TRABD2B: variants seen among roughly 807,000 people sequenced by gnomAD.
TRABD2B encodes metalloprotease TIKI2.
A neutral mutation model predicts 40.1 loss-of-function variants in TRABD2B; 14 were observed. The ratio of observed to expected loss-of-function variants is 0.35; its 90% CI spans 0.23 to 0.55. The LOEUF is 0.55. TRABD2B is among the 20% of genes least tolerant of loss of function. The pLI is 0.90. For missense variants in TRABD2B, 541 were observed against 648.6 expected (o/e 0.83, Z 1.80); for synonymous variants, 263 against 277.0 (o/e 0.95, Z 0.50).
intron 2 of TRABD2B, among the ~76,000 whole-genome samples, chr1:47,817,152 T>G (rs1320975907): frequency 6.6e-6 from 1 of 151,982 alleles, no homozygotes; most frequent in East Asian, 1.9e-4. Flanking sequence ...GTTAGAGAGA[T>G]ATCCTTGAGC....
intron 2 of TRABD2B, among the ~76,000 whole-genome samples, chr1:47,892,130 C>T (rs182106430): frequency 5.6e-4 from 86 of 152,296 alleles, no homozygotes; most frequent in African/African-American, 1.3e-3. Context: ...GCTTATTACA[C>T]GCAATTGTGG....
chr1:47,815,902 G>A (rs547151331), intron 2 of TRABD2B, among the ~76,000 whole-genome samples: 66 of 152,260 alleles, frequency 4.3e-4, no homozygotes, highest in Non-Finnish European at 6.5e-4. Context: ...CAGCCATCAA[G>A]AGACCCAACC....
chr1:47,872,119 A>G lies in TRABD2B; in HGVS notation c.667-70500T>C, dbSNP rs6659433. Among the ~76,000 whole-genome samples the G allele has an allele frequency of 7.4e-3, 1,130 of 152,324 alleles. 22 individuals are homozygous for G. Among genetic ancestry groups the G allele is most frequent in the African/African-American group, 0.026 (1,097 of 41,570 alleles). ...TCGGTCTGATGCACCTTGGGAGGAC[A>G]GCAGCATGCAGGGTCATGGCAGCAC... is the stretch of plus-strand genomic sequence containing the variant. On this transcript the variant is annotated intron_variant, in intron 2 of 6. Transcript: ENST00000606738.
chr1:47,902,988 C>A (rs1301806698), intron 2 of TRABD2B, among the ~76,000 whole-genome samples: 2 of 152,140 alleles, frequency 1.3e-5, no homozygotes, highest in Admixed American at 1.3e-4. Context: ...TGCCTCACAG[C>A]CCCTTCTGCC....
At chr1:47,901,178 G>A (rs1644595063) in intron 2 of TRABD2B, among the ~76,000 whole-genome samples, 1 of 152,146 alleles carries the variant, frequency 6.6e-6, no homozygotes, top group East Asian at 1.9e-4. Context: ...CCTGCAAAAG[G>A]GTAAGGCAGA....
intron 2 of TRABD2B, among the ~76,000 whole-genome samples, chr1:47,961,719 G>A (rs1645518863): frequency 6.6e-6 from 1 of 152,188 alleles, no homozygotes; most frequent in African/African-American, 2.4e-5. Context: ...AACAACAGGT[G>A]CTGGAGAGGA....
rs534186346 is a variant in TRABD2B at position 47,819,020 on chromosome 1, T to C, written c.667-17401A>G. 3.3e-5 allele frequency: 5 copies of C among 152,396 alleles called. No individual in the cohort carries two copies. The East Asian group carries it at 7.7e-4, about 23-fold the overall frequency. The allele number at this position is 152,396 out of a possible 1,614,324, so 9.4% of individuals were successfully genotyped here. On this transcript the variant is annotated intron_variant, in intron 2 of 6. Transcript: ENST00000606738. Reference sequence around the variant, plus strand: ...CTAATTTTTTAAAAATGTATGATTATTGTCTAGAGACATTATTTTTAAAAA... The same window carrying C: ...CTAATTTTTTAAAAATGTATGATTACTGTCTAGAGACATTATTTTTAAAAA...
At chr1:47,894,196 T>C (rs4927196) in intron 2 of TRABD2B, among the ~76,000 whole-genome samples, 3,554 of 152,224 alleles carry the variant, frequency 0.023, 107 homozygotes, top group Admixed American at 0.09. Flanking sequence ...GACTCTGCCA[T>C]TGAGAGCCAA....
At chr1:47,875,651 C>T (rs1336534953) in intron 2 of TRABD2B, among the ~76,000 whole-genome samples, 1 of 111,650 alleles carries the variant, frequency 9.0e-6, no homozygotes, top group Non-Finnish European at 1.7e-5. Flanking sequence ...CGTGCTACTG[C>T]ACAACAGAGT....
In TRABD2B at chr1:47,813,710, A is replaced by G. The variant is rs75116626; in HGVS notation, c.667-12091T>C. Among the ~76,000 whole-genome samples, 5,005 of 152,224 alleles carry G rather than the reference A, an allele frequency of 0.033. 193 individuals carry two copies. The highest frequency in any genetic ancestry group is 0.15 in the East Asian group (776 of 5,160). On this transcript the variant is annotated intron_variant, in intron 2 of 6. Coordinates refer to ENST00000606738, the MANE Select transcript of TRABD2B (RefSeq NM_001194986.2). The surrounding 1 kb of genome is among the most constrained non-coding windows in gnomAD (Gnocchi z 4.3). ...GACACATACCCACACCCACACACAC[A>G]CTTTAAGAAATTTCTGTTCCCTAAG...
chr1:47,775,579 G>C, intron 5 of TRABD2B, 140 bp from the exon 6 acceptor site: 1 of 887,500 alleles, frequency 1.1e-6, no homozygotes, highest in Non-Finnish European at 1.5e-6. Context: ...GGTGACAGCA[G>C]CCCAGGAAAA....
intron 2 of TRABD2B, among the ~76,000 whole-genome samples, chr1:47,923,915 T>TACACACACACACAC (rs60288001): frequency 1.5e-5 from 2 of 132,510 alleles, no homozygotes; most frequent in East Asian, 2.2e-4. Context: ...CATACACACA[T>TACACACACACACAC]ACACACACAC....
intron 2 of TRABD2B, among the ~76,000 whole-genome samples, chr1:47,948,300 G>A (rs1278240508): frequency 6.6e-6 from 1 of 152,128 alleles, no homozygotes; most frequent in African/African-American, 2.4e-5. Context: ...CCAGCTAAAG[G>A]CCAATAAGCA....
At chr1:47,875,897 C>T (rs958139719) in intron 2 of TRABD2B, among the ~76,000 whole-genome samples, 7 of 152,190 alleles carry the variant, frequency 4.6e-5, no homozygotes, top group African/African-American at 1.7e-4. Context: ...TCTGCACACT[C>T]ACATCTATTT....
At chr1:47,775,932 C>T (rs58003290) in intron 5 of TRABD2B, among the ~76,000 whole-genome samples, 9 of 152,102 alleles carry the variant, frequency 5.9e-5, no homozygotes, top group South Asian at 2.1e-4. Context: ...GCCCTGGGTA[C>T]GTCTCTGGGG....
intron 2 of TRABD2B, among the ~76,000 whole-genome samples, chr1:47,979,245 T>G (rs1157518097): frequency 6.6e-6 from 1 of 152,138 alleles, no homozygotes; most frequent in East Asian, 1.9e-4. Context: ...TGTGTAGACA[T>G]GGTCAATAAT....
intron 2 of TRABD2B, among the ~76,000 whole-genome samples, chr1:47,803,389 T>C (rs150204465): frequency 0.015 from 2,300 of 152,338 alleles, 25 homozygotes; most frequent in Admixed American, 0.027. Flanking sequence ...CTGCTGCTGC[T>C]GTCTGCACCT....
chr1:47,881,321 T>G (rs1185568287), intron 2 of TRABD2B, among the ~76,000 whole-genome samples: 2 of 152,204 alleles, frequency 1.3e-5, no homozygotes, highest in African/African-American at 4.8e-5. Flanking sequence ...GATGTGTGTT[T>G]GTGTGTCAGA....
At chr1:47,902,892 C>T (rs1052790244) in intron 2 of TRABD2B, among the ~76,000 whole-genome samples, 1 of 152,096 alleles carries the variant, frequency 6.6e-6, no homozygotes, top group Non-Finnish European at 1.5e-5. Flanking sequence ...ATTAAATAGC[C>T]ACATGTGACT....
Sources: gnomAD v4.1 joint callset for allele counts (sites outside exome capture counted in the v4.1 genomes callset) on GRCh38, gnomAD v4.1.1 for gene constraint, Gnocchi (gnomAD v3.1) non-coding constraint, MANE v1.5 for transcripts, NCBI Gene and HGNC (gene_info 2026-07-23, HGNC 2026-07-21) for gene names.